Variants in SLC8A3 observed in about 807,000 individuals in gnomAD.
SLC8A3 encodes sodium/calcium exchanger 3.
A neutral mutation model predicts 65.4 loss-of-function variants in SLC8A3; 37 were observed. That is an observed-to-expected ratio of 0.57 (90% confidence interval 0.44 to 0.74). The LOEUF is 0.74. Ranked by LOEUF, SLC8A3 falls within the 30% of genes least tolerant of loss-of-function variation. The pLI is 0.00. For synonymous variants in SLC8A3, 461 were observed against 444.5 expected (o/e 1.04, Z -0.47); for missense variants, 1,112 against 1,172.1 (o/e 0.95, Z 0.75).
chr14:70,140,490 G>A (rs1484126005), intron 2 of SLC8A3, among the ~76,000 whole-genome samples: 1 of 152,174 alleles, frequency 6.6e-6, no homozygotes, highest in Non-Finnish European at 1.5e-5. Context: ...ATTAATTCCA[G>A]ATGTGTTTGC....
Position 70,166,710 on chromosome 14 carries a change from C to G in SLC8A3, c.1713G>C (p.Gly571=), listed in dbSNP as rs780601310. 1 of 1,614,034 alleles carries G rather than the reference C, an allele frequency of 6.2e-7. No individual in the cohort carries two copies. The change falls in exon 2 of 7, where the codon GGG becomes GGC. Residue 571 remains glycine, a synonymous_variant. Coordinates refer to ENST00000356921, the MANE Select transcript of SLC8A3 (RefSeq NM_182932.3). ...AGTCCTCACCGCCACCCTTGGCTGT[C>G]CCTTCTACTGTCCTAAAGGGGACGA... ...TVIVPFRTVE[G]TAKGGGEDFE...
intron 2 of SLC8A3, among the ~76,000 whole-genome samples, chr14:70,068,626 C>T (rs961730713): frequency 3.9e-4 from 59 of 152,278 alleles, no homozygotes; most frequent in African/African-American, 1.4e-3. Context: ...TCAAGTGATC[C>T]TCTCACCTTG....
At chr14:70,093,614 T>A (rs182784751) in intron 2 of SLC8A3, among the ~76,000 whole-genome samples, 1 of 152,218 alleles carries the variant, frequency 6.6e-6, no homozygotes, top group Non-Finnish European at 1.5e-5. Flanking sequence ...CCGGCTTTGA[T>A]AAACACATGA....
chr14:70,181,484 G>T (rs1160824877), intron 1 of SLC8A3, among the ~76,000 whole-genome samples: 1 of 148,344 alleles, frequency 6.7e-6, no homozygotes, highest in African/African-American at 2.5e-5. Context: ...AAAAAAAAGT[G>T]CATTTCAGAA....
intron 3 of SLC8A3, chr14:70,055,649 A>T (rs1280758230): frequency 3.2e-6 from 2 of 625,954 alleles, no homozygotes; most frequent in African/African-American, 3.8e-5. Flanking sequence ...TCATGTGGGA[A>T]AATAAATCTC....
chr14:70,080,103 C>T, intron 2 of SLC8A3: 6 of 985,558 alleles, frequency 6.1e-6, no homozygotes, highest in Non-Finnish European at 6.0e-6. Flanking sequence ...TTTCCTTGAC[C>T]CCTTCCTTTG....
At chr14:70,106,031 T>C (rs1376709576) in intron 2 of SLC8A3, among the ~76,000 whole-genome samples, 1 of 152,078 alleles carries the variant, frequency 6.6e-6, no homozygotes, top group Non-Finnish European at 1.5e-5. Context: ...ATGACAAAAT[T>C]CAAACTCATT....
In SLC8A3 at chr14:70,060,924, A is replaced by T; in HGVS notation, c.1800T>A (p.Val600=). 1 of 1,501,836 alleles carries T rather than the reference A, an allele frequency of 6.7e-7. No individual in the cohort carries two copies. The highest frequency in any genetic ancestry group is 8.9e-7 in the Non-Finnish European group (1 of 1,120,114). 93.0% of individuals were successfully genotyped at this position (1,501,836 alleles called of 1,614,324 possible). Residue 600 remains valine, a synonymous_variant, in exon 3 of 7, where the codon GTT becomes GTA. Transcript: ENST00000356921. The stretch of plus-strand genomic sequence containing the variant: ...CGTATTCCTCCTCATCTACTATTTT[A>T]ACCCTTATGGTTTTCCTGTAGGGAC... ...KNDETVKTIR[V]KIVDEEEYER...
At chr14:70,171,953 A>G (rs1897571254) in intron 1 of SLC8A3, among the ~76,000 whole-genome samples, 1 of 152,208 alleles carries the variant, frequency 6.6e-6, no homozygotes, top group South Asian at 2.1e-4. Context: ...GAGATGTTAG[A>G]GAAAGCAGGA....
At chr14:70,187,139 C>T (rs1883312281) in intron 1 of SLC8A3, 1 of 152,584 alleles carries the variant, frequency 6.6e-6, no homozygotes, top group Admixed American at 6.5e-5. Flanking sequence ...CACCCAGGAG[C>T]TTGGCTGCGC....
intron 2 of SLC8A3, among the ~76,000 whole-genome samples, chr14:70,071,299 C>T (rs1025943484): frequency 7.9e-5 from 12 of 152,150 alleles, no homozygotes; most frequent in Admixed American, 1.3e-4. Context: ...AAATGTTATA[C>T]GGTATCACAG....
chr14:70,078,128 G>T (rs1432712394), intron 2 of SLC8A3, among the ~76,000 whole-genome samples: 1 of 152,204 alleles, frequency 6.6e-6, no homozygotes, highest in Non-Finnish European at 1.5e-5. Context: ...GCCATTCAGG[G>T]CAGGTAAGAG....
chr14:70,051,501 A>G (rs902950137), intron 4 of SLC8A3, among the ~76,000 whole-genome samples: 11 of 152,006 alleles, frequency 7.2e-5, no homozygotes, highest in Non-Finnish European at 1.5e-4. Context: ...GAGTCTCCCT[A>G]TGTTGCCCAG....
intron 1 of SLC8A3, among the ~76,000 whole-genome samples, chr14:70,185,570 C>T (rs1181498872): frequency 6.6e-6 from 1 of 152,232 alleles, no homozygotes; most frequent in Non-Finnish European, 1.5e-5. Context: ...ATTCTCCCTT[C>T]TCCGACCAGG....
At chr14:70,184,536 C>T (rs1280677785) in intron 1 of SLC8A3, among the ~76,000 whole-genome samples, 1 of 152,210 alleles carries the variant, frequency 6.6e-6, no homozygotes, top group Non-Finnish European at 1.5e-5. Context: ...TACTTCCTCT[C>T]CTCTTTTCTT....
In SLC8A3 at chr14:70,148,133, C is replaced by T. The variant is rs139376544; in HGVS notation, c.1784+18506G>A. ...AATAAATTATATGAGATATTCAACACCTTATTTTAAAATAGGCTTTGTTTT... is the reference window on the plus strand; with the variant it reads ...AATAAATTATATGAGATATTCAACATCTTATTTTAAAATAGGCTTTGTTTT... On this transcript the variant is annotated intron_variant, in intron 2 of 6. Transcript: ENST00000356921. Among the ~76,000 whole-genome samples, 622 of 152,272 alleles carry T rather than the reference C, an allele frequency of 4.1e-3. 3 individuals are homozygous for T. Among genetic ancestry groups the T allele is most frequent in the African/African-American group, 0.015 (610 of 41,566 alleles).
chr14:70,058,869 T>C (rs1888452620), intron 3 of SLC8A3, among the ~76,000 whole-genome samples: 6 of 152,218 alleles, frequency 3.9e-5, no homozygotes, highest in Admixed American at 3.9e-4. Flanking sequence ...TGGAAACTGA[T>C]GAAGGTGACT....
At chr14:70,123,099 G>A (rs1235520369) in intron 2 of SLC8A3, among the ~76,000 whole-genome samples, 3 of 149,162 alleles carry the variant, frequency 2.0e-5, no homozygotes, top group Non-Finnish European at 4.5e-5. Flanking sequence ...AAAAAAATTG[G>A]CAGGGCATGG....
chr14:70,157,639 C>T (rs957002373), intron 2 of SLC8A3, among the ~76,000 whole-genome samples: 8 of 152,164 alleles, frequency 5.3e-5, no homozygotes, highest in Admixed American at 5.2e-4. Flanking sequence ...TGCCAGGAGA[C>T]AGAAAACATG....
Sources: allele counts gnomAD v4.1 joint callset (sites outside exome capture counted in the v4.1 genomes callset), GRCh38; gene constraint gnomAD v4.1.1; transcripts MANE v1.5; gene names NCBI Gene and HGNC (gene_info 2026-07-23, HGNC 2026-07-21).